Variants in SAMD3 observed in about 807,000 individuals in gnomAD.
SAMD3 encodes sterile alpha motif domain-containing protein 3.
SAMD3 carries 63 observed loss-of-function variants against 58.5 expected under a neutral mutation model. The observed-to-expected ratio is 1.08, with a 90% CI of 0.88 to 1.33. The LOEUF (loss-of-function observed/expected upper bound fraction) is 1.33. Ranked by LOEUF, SAMD3 falls within the 40% of genes most tolerant of loss-of-function variation. The pLI is 0.00. For missense variants in SAMD3, 604 were observed against 608.4 expected (o/e 0.99, Z 0.08); for synonymous variants, 220 against 210.3 (o/e 1.05, Z -0.40).
At chr6:130,204,554 G>A (rs1344935844) in intron 5 of SAMD3, among the ~76,000 whole-genome samples, 1 of 147,552 alleles carries the variant, frequency 6.8e-6, no homozygotes, top group Non-Finnish European at 1.5e-5. Flanking sequence ...CTGAGATAGC[G>A]CCACTGCACT....
downstream of SAMD3, among the ~76,000 whole-genome samples, chr6:130,143,360 C>T (rs1002156879): frequency 6.6e-6 from 1 of 152,184 alleles, no homozygotes; most frequent in African/African-American, 2.4e-5. Context: ...GTTCTCCTGC[C>T]TCAGCCTCCC....
intron 8 of SAMD3, chr6:130,159,788 AC>A (rs1332022198): frequency 6.6e-6 from 1 of 152,218 alleles, no homozygotes; most frequent in African/African-American, 2.4e-5. Context: ...AAGGATTTTT[AC>A]AAGTAAATTG....
At chr6:130,153,662 A>G (rs1023175068) in intron 9 of SAMD3, among the ~76,000 whole-genome samples, 1 of 131,266 alleles carries the variant, frequency 7.6e-6, no homozygotes, top group South Asian at 2.5e-4. Flanking sequence ...ATATATATAT[A>G]TATTTATTTA....
chr6:130,179,987 G>T (rs1048431353), intron 7 of SAMD3, among the ~76,000 whole-genome samples: 10 of 151,660 alleles, frequency 6.6e-5, no homozygotes, highest in Non-Finnish European at 1.5e-4. Context: ...GCTAATTTTT[G>T]TGTTTTTAGT....
At chr6:130,180,141 G>T (rs991090885) in intron 7 of SAMD3, among the ~76,000 whole-genome samples, 3 of 151,498 alleles carry the variant, frequency 2.0e-5, no homozygotes, top group Middle Eastern at 6.8e-3. Flanking sequence ...TTATTTTTGA[G>T]ACAGGGTTTT....
intron 1 of SAMD3, among the ~76,000 whole-genome samples, chr6:130,323,444 A>ATT (rs146122392): frequency 1.4e-5 from 2 of 148,034 alleles, no homozygotes; most frequent in Non-Finnish European, 1.5e-5. Flanking sequence ...AAAATTTCCA[A>ATT]TTTTTTTTTT....
chr6:130,163,178 A>C (rs1407556392), intron 8 of SAMD3, among the ~76,000 whole-genome samples: 2 of 152,262 alleles, frequency 1.3e-5, no homozygotes, highest in African/African-American at 4.8e-5. Flanking sequence ...ATATCTCATT[A>C]AAAATTTTTA....
At chr6:130,334,205 C>A (rs547183750) in intron 1 of SAMD3, among the ~76,000 whole-genome samples, 4 of 152,156 alleles carry the variant, frequency 2.6e-5, no homozygotes, top group African/African-American at 9.7e-5. Flanking sequence ...AGAAGCACAA[C>A]CACGCTCATT....
At chr6:130,308,410 A>ATTCT (rs1583080163) in intron 2 of SAMD3, among the ~76,000 whole-genome samples, 149 of 119,332 alleles carry the variant, frequency 1.2e-3, no homozygotes, top group African/African-American at 4.3e-3. Context: ...ATTCTATTCT[A>ATTCT]TTCTATTCTA....
At chr6:130,182,073 A>C (rs74881109) in intron 7 of SAMD3, among the ~76,000 whole-genome samples, 3,773 of 151,530 alleles carry the variant, frequency 0.025, 83 homozygotes, top group Non-Finnish European at 0.033. Flanking sequence ...TCAAAAAAAA[A>C]AAAAAAAAAA....
At chr6:130,350,626 T>C (rs1361496273) in intron 1 of SAMD3, among the ~76,000 whole-genome samples, 1 of 152,162 alleles carries the variant, frequency 6.6e-6, no homozygotes, top group African/African-American at 2.4e-5. Context: ...AGAATCAGTA[T>C]CGTGAAAATG....
chr6:130,279,353 G>A (rs941994545), intron 2 of SAMD3, among the ~76,000 whole-genome samples: 1 of 152,008 alleles, frequency 6.6e-6, no homozygotes, highest in East Asian at 1.9e-4. Flanking sequence ...AGGTCTGATC[G>A]TTTTATAAGC....
chr6:130,188,883 T>G (rs1178336715), intron 5 of SAMD3, among the ~76,000 whole-genome samples: 1 of 152,198 alleles, frequency 6.6e-6, no homozygotes, highest in Non-Finnish European at 1.5e-5. Context: ...TGCACATGGC[T>G]TGGTTCCTGC....
At chr6:130,269,669 C>CT (rs574453546) in intron 2 of SAMD3, among the ~76,000 whole-genome samples, 23 of 151,634 alleles carry the variant, frequency 1.5e-4, no homozygotes, top group African/African-American at 4.6e-4. Flanking sequence ...AGAAACAGCA[C>CT]TTTTTTTCAT....
chr6:130,171,439 C>T (rs1222524250), intron 8 of SAMD3, among the ~76,000 whole-genome samples: 1 of 152,104 alleles, frequency 6.6e-6, no homozygotes, highest in Non-Finnish European at 1.5e-5. Flanking sequence ...TTTCAAAGAA[C>T]ATCTTTGTTT....
At chr6:130,194,364 T>A (rs1158684736) in intron 5 of SAMD3, among the ~76,000 whole-genome samples, 1 of 152,232 alleles carries the variant, frequency 6.6e-6, no homozygotes, top group South Asian at 2.1e-4. Context: ...TTATTCTCAA[T>A]ATACATTTTA....
intron 2 of SAMD3, among the ~76,000 whole-genome samples, chr6:130,284,345 C>A (rs1383578000): frequency 1.3e-5 from 2 of 152,064 alleles, no homozygotes; most frequent in Non-Finnish European, 2.9e-5. Context: ...GCAATTTCAA[C>A]ATAATCACTT....
intron 8 of SAMD3, among the ~76,000 whole-genome samples, chr6:130,168,600 C>T (rs1241984519): frequency 1.3e-5 from 2 of 152,118 alleles, no homozygotes; most frequent in Non-Finnish European, 2.9e-5. Context: ...CAAGATCTTC[C>T]TCCAGTTTAG....
intron 5 of SAMD3, among the ~76,000 whole-genome samples, chr6:130,185,477 T>A (rs1257234111): frequency 6.6e-6 from 1 of 151,900 alleles, no homozygotes; most frequent in East Asian, 1.9e-4. Flanking sequence ...TACAGGCATG[T>A]GCCACCACAC....
Sources: gnomAD v4.1 joint callset for allele counts (sites outside exome capture counted in the v4.1 genomes callset) on GRCh38, gnomAD v4.1.1 for gene constraint, MANE v1.5 for transcripts, NCBI Gene and HGNC (gene_info 2026-07-23, HGNC 2026-07-21) for gene names.